The following KCND2 variants were observed in gnomAD, a reference collection of about 807,000 sequenced individuals.
The protein encoded by KCND2 is A-type voltage-gated potassium channel KCND2.
KCND2 carries 16 observed loss-of-function variants against 54.4 expected under a neutral mutation model. That is an observed-to-expected ratio of 0.29 (90% CI 0.20 to 0.45). The LOEUF is 0.45. KCND2 is among the 20% of genes least tolerant of loss of function. The pLI, the probability that KCND2 is intolerant of heterozygous loss-of-function variation, is 1.00. For missense variants in KCND2, 486 were observed against 824.2 expected (o/e 0.59, Z 5.02); for synonymous variants, 317 against 310.7 (o/e 1.02, Z -0.21).
intron 1 of KCND2, among the ~76,000 whole-genome samples, chr7:120,670,134 G>A (rs542397513): frequency 6.6e-6 from 1 of 151,912 alleles, no homozygotes; most frequent in Non-Finnish European, 1.5e-5. Flanking sequence ...AAAACCACCT[G>A]TATACCAAAA....
At chr7:120,464,021 T>TG (rs200466344) in intron 1 of KCND2, 36,988 of 966,446 alleles carry the variant, frequency 0.038, 1,034 homozygotes, top group Non-Finnish European at 0.042. Flanking sequence ...AGTTTTGTTT[T>TG]TTTTTTTTTT....
intron 1 of KCND2, among the ~76,000 whole-genome samples, chr7:120,412,897 G>A (rs1801472269): frequency 6.6e-6 from 1 of 151,986 alleles, no homozygotes; most frequent in Non-Finnish European, 1.5e-5. Context: ...ACAGCTTCCA[G>A]GAAGCTTTGC....
chr7:120,712,154 A>G (rs1235564294), intron 1 of KCND2, among the ~76,000 whole-genome samples: 2 of 136,364 alleles, frequency 1.5e-5, no homozygotes, highest in Non-Finnish European at 3.1e-5. Flanking sequence ...TTGTCGTGGT[A>G]CGTCTAATTC....
At chr7:120,381,699 A>G (rs1028961952) in intron 1 of KCND2, among the ~76,000 whole-genome samples, 6 of 152,126 alleles carry the variant, frequency 3.9e-5, no homozygotes, top group African/African-American at 1.4e-4. Flanking sequence ...AGTCAAAATT[A>G]GAGGTTAAAA....
chr7:120,337,157 C>T (rs188186560), intron 1 of KCND2, among the ~76,000 whole-genome samples: 124 of 151,994 alleles, frequency 8.2e-4, no homozygotes, highest in Non-Finnish European at 1.4e-3. Context: ...AAAAAGTATA[C>T]GATTTAATTT....
At position 120,502,102 on chromosome 7, in the gene KCND2, A is replaced by G. The variant is rs563878245; in HGVS notation, c.1115+226355A>G. On this transcript the variant is annotated intron_variant, in intron 1 of 5. Transcript: ENST00000331113. Reference sequence around the variant, plus strand: ...TTCAGTGGAAAGAGTTCTCTAGCCAACGGTTGGAAATGTGGGAAGCCTATG... The same window carrying G: ...TTCAGTGGAAAGAGTTCTCTAGCCAGCGGTTGGAAATGTGGGAAGCCTATG... Among the ~76,000 whole-genome samples, 8 of 152,186 alleles carry G rather than the reference A, an allele frequency of 5.3e-5. No homozygotes were observed. In the South Asian group the frequency reaches 1.7e-3, roughly 32 times the overall value.
At chr7:120,687,645 A>G (rs908832952) in intron 1 of KCND2, among the ~76,000 whole-genome samples, 1 of 152,036 alleles carries the variant, frequency 6.6e-6, no homozygotes, top group Non-Finnish European at 1.5e-5. Flanking sequence ...GTGGGACCCC[A>G]TATCTAAAAA....
chr7:120,531,992 C>A (rs934144943), intron 1 of KCND2, among the ~76,000 whole-genome samples: 2 of 151,948 alleles, frequency 1.3e-5, no homozygotes, highest in African/African-American at 4.8e-5. Context: ...TCAAATTCTC[C>A]TCTGAGTTTC....
At chr7:120,519,399 C>T (rs536996832) in intron 1 of KCND2, among the ~76,000 whole-genome samples, 9 of 152,110 alleles carry the variant, frequency 5.9e-5, no homozygotes, top group African/African-American at 2.2e-4. Flanking sequence ...GAGCAGCTGC[C>T]GGTAGCTGAC....
intron 1 of KCND2, among the ~76,000 whole-genome samples, chr7:120,310,092 C>G (rs924424011): frequency 1.3e-5 from 2 of 152,118 alleles, no homozygotes; most frequent in Non-Finnish European, 2.9e-5. Context: ...TCAGACATGT[C>G]CCTATGATAG....
At chr7:120,663,617 A>C (rs1310759523) in intron 1 of KCND2, among the ~76,000 whole-genome samples, 6 of 152,202 alleles carry the variant, frequency 3.9e-5, no homozygotes, top group Non-Finnish European at 8.8e-5. Context: ...GATAACCAGT[A>C]CTAACCAATC....
intron 1 of KCND2, among the ~76,000 whole-genome samples, chr7:120,567,274 CAT>C (rs1416438526): frequency 6.6e-6 from 1 of 152,142 alleles, no homozygotes; most frequent in Non-Finnish European, 1.5e-5. Flanking sequence ...TGTGGACAGT[CAT>C]ATGTAATTAT....
Position 120,749,861 on chromosome 7 carries a change from T to C in KCND2, c.*2003T>C, listed in dbSNP as rs950648621. 6 of 151,960 alleles carry C rather than the reference T, an allele frequency of 3.9e-5. No homozygotes were observed. The highest frequency in any genetic ancestry group is 5.9e-5 in the Non-Finnish European group (4 of 67,858). The allele number at this position is 151,960 out of a possible 1,614,324, so 9.4% of individuals were successfully genotyped here. A position where few individuals can be genotyped will look rare whatever the true frequency, so the allele number is the denominator to read the frequency against. On this transcript the variant is annotated 3_prime_UTR_variant, in exon 6 of 6. Coordinates refer to ENST00000331113, the MANE Select transcript of KCND2 (RefSeq NM_012281.3). ...AGTGAAACTTATCTGATGGCATTTATTGAAAACCTTCTAAAAAGTAGACTA... is the reference window on the plus strand; with the variant it reads ...AGTGAAACTTATCTGATGGCATTTACTGAAAACCTTCTAAAAAGTAGACTA...
At chr7:120,408,902 G>C (rs576238292) in intron 1 of KCND2, among the ~76,000 whole-genome samples, 1 of 151,940 alleles carries the variant, frequency 6.6e-6, no homozygotes, top group South Asian at 2.1e-4. Context: ...TAAATTACAT[G>C]ATATGAGCGC....
rs1211588802 is a variant in KCND2 at position 120,709,024 on chromosome 7, G to C, written c.1116-23879G>C. On this transcript the variant is annotated intron_variant, in intron 1 of 5. Transcript: ENST00000331113. ...AAAACATCATCAAATCAAATTCTCT[G>C]TGTATTCAAAGCCCTTGAAATTAAC... Among the ~76,000 whole-genome samples the C allele has an allele frequency of 9.2e-5, 14 of 152,034 alleles. No homozygotes were observed. The East Asian group carries it at 2.7e-3, about 29-fold the overall frequency.
At chr7:120,563,673 C>T (rs1219273554) in intron 1 of KCND2, among the ~76,000 whole-genome samples, 1 of 152,096 alleles carries the variant, frequency 6.6e-6, no homozygotes, top group East Asian at 1.9e-4. Context: ...AACATTCAGG[C>T]CAAACTGAAC....
rs142392153 is a variant in KCND2, at chr7:120,274,663, T to C, written c.31T>C (p.Phe11Leu). Residue 11 changes from phenylalanine to leucine, a missense_variant, in exon 1 of 6, where the codon TTT becomes CTT. Physicochemically the swap from Phe to Leu is conservative, Grantham distance 22. Around this residue, in one of 7 missense-constraint regions of KCND2, gnomAD observed 231 missense variants for 386.0 expected, o/e 0.60. Coordinates refer to ENST00000331113, the MANE Select transcript of KCND2 (RefSeq NM_012281.3). Reference sequence around the variant, plus strand: ...GGCGGGGGTGGCAGCGTGGCTGCCTTTTGCAAGGGCAGCGGCTATCGGGTG... The same window carrying C: ...GGCGGGGGTGGCAGCGTGGCTGCCTCTTGCAAGGGCAGCGGCTATCGGGTG... MAAGVAAWLPFARAAAIGWMP... is the reference protein window; with the variant it reads MAAGVAAWLPLARAAAIGWMP... 4.6e-5 allele frequency: 75 copies of C among 1,613,898 alleles called. No homozygotes were observed. The highest frequency in any genetic ancestry group is 6.1e-5 in the Non-Finnish European group (72 of 1,180,026).
At chr7:120,339,733 A>G (rs1317605487) in intron 1 of KCND2, among the ~76,000 whole-genome samples, 2 of 152,122 alleles carry the variant, frequency 1.3e-5, no homozygotes, top group African/African-American at 4.8e-5. Context: ...GATAGTAGAG[A>G]GTGGTCAGTG....
chr7:120,521,230 C>A (rs1482977305), intron 1 of KCND2, among the ~76,000 whole-genome samples: 1 of 151,902 alleles, frequency 6.6e-6, no homozygotes, highest in Non-Finnish European at 1.5e-5. Context: ...TTTAAAATAA[C>A]CTTAAAATGT....
Sources: gnomAD v4.1 joint callset for allele counts (sites outside exome capture counted in the v4.1 genomes callset) on GRCh38, gnomAD v4.1.1 for gene constraint, gnomAD v4.1.1 regional missense constraint, MANE v1.5 for transcripts, NCBI Gene and HGNC (gene_info 2026-07-23, HGNC 2026-07-21) for gene names.